The following ZNF438 variants were observed in gnomAD, a reference collection of about 807,000 sequenced individuals.
ZNF438 encodes the protein zinc finger protein 438.
ZNF438 carries 25 observed loss-of-function variants against 38.0 expected under a neutral mutation model. The observed-to-expected ratio is 0.66, with a 90% CI of 0.48 to 0.92. The LOEUF (loss-of-function observed/expected upper bound fraction) is 0.92. Among genes scored for constraint, ZNF438 ranks in the 40% least tolerant of loss-of-function variants. The probability of loss-of-function intolerance (pLI) is 0.00; values close to 1 mark genes in which losing one functional copy is unlikely to be tolerated. For synonymous variants in ZNF438, 372 were observed against 364.1 expected (o/e 1.02, Z -0.25); for missense variants, 1,007 against 999.6 (o/e 1.01, Z -0.10).
At chr10:30,908,464 C>T (rs1004456309) in intron 3 of ZNF438, among the ~76,000 whole-genome samples, 5 of 152,108 alleles carry the variant, frequency 3.3e-5, no homozygotes, top group South Asian at 2.1e-4. Context: ...TAAGGGCTCA[C>T]CATGCCATTT....
At chr10:31,001,738 C>A (rs922144110) in intron 1 of ZNF438, among the ~76,000 whole-genome samples, 1 of 152,118 alleles carries the variant, frequency 6.6e-6, no homozygotes, top group Non-Finnish European at 1.5e-5. Flanking sequence ...TATTCCATCA[C>A]CCTAACATAT....
intron 1 of ZNF438, among the ~76,000 whole-genome samples, chr10:30,953,377 A>T (rs1280825824): frequency 6.6e-6 from 1 of 152,016 alleles, no homozygotes; most frequent in African/African-American, 2.4e-5. Flanking sequence ...CAATGTGCAC[A>T]TGTACCCTAA....
At chr10:30,952,194 A>C (rs866318198) in intron 1 of ZNF438, among the ~76,000 whole-genome samples, 20 of 151,364 alleles carry the variant, frequency 1.3e-4, no homozygotes, top group African/African-American at 4.1e-4. Flanking sequence ...AACTGGCTAG[A>C]CATATGTAGA....
chr10:31,022,932 C>T lies in ZNF438; in HGVS notation c.-192+8901G>A, dbSNP rs191873042. On this transcript the variant is annotated intron_variant, in intron 1 of 5. Transcript: ENST00000413025. ...GCTACAGGAATGAACAAACTTATTT[C>T]TCATTGGCAAAAATGTGTTGATTAT... is the stretch of plus-strand genomic sequence containing the variant. Among the ~76,000 whole-genome samples the T allele has an allele frequency of 1.8e-3, 276 of 152,230 alleles. 2 individuals are homozygous for T. Among genetic ancestry groups the T allele is most frequent in the South Asian group, 0.011 (52 of 4,816 alleles).
chr10:30,995,404 C>T lies in ZNF438; in HGVS notation c.-192+36429G>A, dbSNP rs553937049. ...TGTGAATTATGACTCTAATATCCAG[C>T]AATACTGTGTTTTTAAAATAAAGGT... is the stretch of plus-strand genomic sequence containing the variant. On this transcript the variant is annotated intron_variant, in intron 1 of 5. Transcript: ENST00000413025. 7.9e-5 allele frequency among the ~76,000 whole-genome samples: 12 copies of T among 152,256 alleles called. No individual in the cohort carries two copies. The South Asian group carries it at 2.5e-3, about 32-fold the overall frequency.
rs545546940 is a variant in ZNF438, at chr10:30,847,780, C to T, written c.1874+751G>A. On this transcript the variant is annotated intron_variant, in intron 5 of 5. Transcript: ENST00000413025. ...GCCACAGCCTTGCAAGGAGGTGGCACCTGGAGCTGCCTGGCCTGCAGCAGC... is the reference window on the plus strand; with the variant it reads ...GCCACAGCCTTGCAAGGAGGTGGCATCTGGAGCTGCCTGGCCTGCAGCAGC... Among the ~76,000 whole-genome samples the T allele has an allele frequency of 1.5e-3, 236 of 152,352 alleles. 1 individual carries two copies. Among genetic ancestry groups the T allele is most frequent in the Non-Finnish European group, 2.9e-3 (198 of 68,030 alleles).
At chr10:31,019,875 G>A (rs1392620856) in intron 1 of ZNF438, among the ~76,000 whole-genome samples, 3 of 152,020 alleles carry the variant, frequency 2.0e-5, no homozygotes, top group Admixed American at 6.6e-5. Context: ...AAATCCATAC[G>A]AGTAAATGAA....
At chr10:30,885,082 A>T (rs1031016029) in intron 3 of ZNF438, among the ~76,000 whole-genome samples, 6 of 152,258 alleles carry the variant, frequency 3.9e-5, no homozygotes, top group African/African-American at 1.4e-4. Flanking sequence ...GGGAATAAAC[A>T]TGTCATATAT....
intron 4 of ZNF438, among the ~76,000 whole-genome samples, chr10:30,870,595 T>C (rs993655053): frequency 2.6e-5 from 4 of 152,220 alleles, no homozygotes; most frequent in African/African-American, 9.6e-5. Context: ...GCATGAGTTA[T>C]AGTGCTGTGT....
intron 4 of ZNF438, among the ~76,000 whole-genome samples, chr10:30,870,069 CAA>C (rs1267918171): frequency 6.6e-6 from 1 of 152,176 alleles, no homozygotes; most frequent in Admixed American, 6.5e-5. Flanking sequence ...TTATAATGCA[CAA>C]AGTCATTTTA....
intron 4 of ZNF438, among the ~76,000 whole-genome samples, chr10:30,876,099 G>C (rs919207177): frequency 7.9e-5 from 12 of 152,302 alleles, no homozygotes; most frequent in African/African-American, 2.9e-4. Context: ...TAAGTGGTAG[G>C]ACTGAGTTTC....
intron 1 of ZNF438, among the ~76,000 whole-genome samples, chr10:30,953,788 T>G (rs573031859): frequency 6.6e-6 from 1 of 152,110 alleles, no homozygotes; most frequent in Non-Finnish European, 1.5e-5. Flanking sequence ...TTATGGTGGA[T>G]AGATGAATAA....
chr10:30,867,262 A>G (rs1031155039), intron 4 of ZNF438, among the ~76,000 whole-genome samples: 2 of 152,240 alleles, frequency 1.3e-5, no homozygotes, highest in Non-Finnish European at 2.9e-5. Context: ...ACTATCTTCA[A>G]TGAAGCCAGA....
intron 1 of ZNF438, among the ~76,000 whole-genome samples, chr10:31,014,169 GA>G (rs1306036246): frequency 9.9e-5 from 15 of 151,308 alleles, no homozygotes; most frequent in Admixed American, 8.6e-4. Flanking sequence ...TGTGTGATCT[GA>G]AAAAAAACAA....
In ZNF438 at chr10:30,892,562, T is replaced by C. The variant is rs116276065; in HGVS notation, c.-31-15497A>G. Among the ~76,000 whole-genome samples, 569 of 150,962 alleles carry C rather than the reference T, an allele frequency of 3.8e-3. 5 individuals are homozygous for C. Among genetic ancestry groups the C allele is most frequent in the African/African-American group, 0.013 (532 of 41,104 alleles). ...TTTAACATTCTGTTTGTATATTGAT[T>C]AAAAATATGAATACCAGTCCAAAAA... On this transcript the variant is annotated intron_variant, in intron 3 of 5. Transcript: ENST00000413025.
At chr10:30,908,857 T>G (rs1276277889) in intron 3 of ZNF438, 76 bp downstream of exon 4, 1 of 152,192 alleles carries the variant, frequency 6.6e-6, no homozygotes. Flanking sequence ...GCAGTTGATT[T>G]AAGGTAGGCC....
intron 1 of ZNF438, among the ~76,000 whole-genome samples, chr10:30,977,602 T>C (rs1330078335): frequency 1.3e-5 from 2 of 152,204 alleles, no homozygotes; most frequent in African/African-American, 4.8e-5. Flanking sequence ...CACAGCCACA[T>C]GTTGCTGTAA....
chr10:30,990,370 GGCT>G (rs1283326161), intron 1 of ZNF438, among the ~76,000 whole-genome samples: 5 of 151,964 alleles, frequency 3.3e-5, no homozygotes, highest in African/African-American at 1.2e-4. Flanking sequence ...ATGCATAAAT[GGCT>G]GCTAAGATCA....
intron 1 of ZNF438, among the ~76,000 whole-genome samples, chr10:30,995,689 A>G (rs996031963): frequency 1.3e-5 from 2 of 152,198 alleles, no homozygotes; most frequent in African/African-American, 4.8e-5. Flanking sequence ...CTATAATTTA[A>G]TTATTGGGCT....
Sources: allele counts gnomAD v4.1 joint callset (sites outside exome capture counted in the v4.1 genomes callset), GRCh38; gene constraint gnomAD v4.1.1; transcripts MANE v1.5; gene names NCBI Gene and HGNC (gene_info 2026-07-23, HGNC 2026-07-21).